TMCC3: variants seen among roughly 807,000 people sequenced by gnomAD.
TMCC3 encodes the protein transmembrane and coiled-coil domain family 3.
A neutral mutation model predicts 40.2 loss-of-function variants in TMCC3; 28 were observed. That is an observed-to-expected ratio of 0.70 (90% confidence interval 0.52 to 0.95). TMCC3 has a LOEUF of 0.95. TMCC3 is among the 40% of genes least tolerant of loss of function. The probability of loss-of-function intolerance (pLI) is 0.00; values close to 1 mark genes in which losing one functional copy is unlikely to be tolerated. For synonymous variants in TMCC3, 255 were observed against 248.5 expected, an observed-to-expected ratio of 1.03 and a Z score of -0.25; for missense variants, 554 against 615.2, an observed-to-expected ratio of 0.90 and a Z score of 1.05.
intron 1 of TMCC3, among the ~76,000 whole-genome samples, chr12:94,644,153 G>A (rs952678074): frequency 1.2e-4 from 18 of 152,152 alleles, no homozygotes; most frequent in East Asian, 5.8e-4. Flanking sequence ...CTCCCAAGTC[G>A]ACGGAAGCAG....
At chr12:94,573,227 C>T (rs2068543966) in intron 3 of TMCC3, among the ~76,000 whole-genome samples, 1 of 148,244 alleles carries the variant, frequency 6.7e-6, no homozygotes, top group Non-Finnish European at 1.5e-5. Context: ...CTCATCCAAC[C>T]CGTCGCCCAG....
intron 1 of TMCC3, among the ~76,000 whole-genome samples, chr12:94,642,172 A>T (rs1349841236): frequency 6.6e-6 from 1 of 152,230 alleles, no homozygotes; most frequent in Non-Finnish European, 1.5e-5. Context: ...TTTGGTATTT[A>T]AAAATTATGT....
At chr12:94,641,597 T>G (rs979547577) in intron 1 of TMCC3, among the ~76,000 whole-genome samples, 1 of 152,208 alleles carries the variant, frequency 6.6e-6, no homozygotes, top group Non-Finnish European at 1.5e-5. Context: ...GTTTCTTTGG[T>G]CAAGGACTAG....
Position 94,650,473 on chromosome 12 carries a change from C to T in TMCC3, c.-43G>A, listed in dbSNP as rs567746222. On this transcript the variant is annotated 5_prime_UTR_variant, in exon 1 of 4. Transcript: ENST00000261226. ...GAACTTTCCCGTCTTCTGGGGCTGC[C>T]GCGCCGCGAGCCACCGGCTGTGCTC... 2.4e-6 allele frequency: 3 copies of T among 1,238,648 alleles called. No homozygotes were observed. The highest frequency in any genetic ancestry group is 1.6e-5 in the African/African-American group (1 of 63,632). 76.7% of individuals were successfully genotyped at this position (1,238,648 alleles called of 1,614,324 possible).
At chr12:94,603,630 C>T (rs770414055) in intron 1 of TMCC3, among the ~76,000 whole-genome samples, 8 of 152,112 alleles carry the variant, frequency 5.3e-5, no homozygotes, top group African/African-American at 1.7e-4. Flanking sequence ...AGTAGGGGTA[C>T]GGAGAATGAT....
intron 1 of TMCC3, among the ~76,000 whole-genome samples, chr12:94,600,070 G>T (rs567276421): frequency 5.9e-5 from 9 of 152,190 alleles, no homozygotes; most frequent in African/African-American, 2.2e-4. Context: ...GGGAGAGAGA[G>T]AAAATGAATG....
At chr12:94,629,102 T>C (rs2068918647) in intron 1 of TMCC3, among the ~76,000 whole-genome samples, 1 of 152,240 alleles carries the variant, frequency 6.6e-6, no homozygotes, top group Non-Finnish European at 1.5e-5. Flanking sequence ...ATGACGCTCA[T>C]GATTTAGTAT....
At position 94,650,511 on chromosome 12, in the gene TMCC3, G is replaced by A. The variant is rs1300038906; in HGVS notation, c.-81C>T. 7.1e-6 allele frequency: 8 copies of A among 1,122,672 alleles called. No individual in the cohort carries two copies. Among genetic ancestry groups the A allele is most frequent in the Non-Finnish European group, 7.8e-6 (7 of 896,398 alleles). 69.5% of individuals were successfully genotyped at this position (1,122,672 alleles called of 1,614,324 possible). On this transcript the variant is annotated 5_prime_UTR_variant, in exon 1 of 4. Transcript: ENST00000261226. ...ACCGGCTGTGCTCGGGATCACCCTG[G>A]GAGCCGCGGGCGAGGGGGCGGCGCG...
rs369768806 is a variant in TMCC3 at position 94,579,520 on chromosome 12, CAAACA to C, written c.996-996_996-992del. ...AGACTCCATCTCAAAACAACAACAA[CAAACA>C]AAACAAAACAAAACAAAAAATCTTA... On this transcript the variant is annotated intron_variant, in intron 2 of 3. Transcript: ENST00000261226. Among the ~76,000 whole-genome samples the C allele has an allele frequency of 8.4e-3, 1,281 of 152,230 alleles. 20 individuals are homozygous for C. Among genetic ancestry groups the C allele is most frequent in the African/African-American group, 0.029 (1,210 of 41,540 alleles).
intron 1 of TMCC3, among the ~76,000 whole-genome samples, chr12:94,622,354 A>C (rs182755202): frequency 3.9e-4 from 59 of 151,516 alleles, no homozygotes; most frequent in African/African-American, 1.3e-3. Flanking sequence ...ATACAGCTAT[A>C]ATCAGTTCCA....
chr12:94,603,097 T>A (rs1355199671), intron 1 of TMCC3, among the ~76,000 whole-genome samples: 1 of 151,954 alleles, frequency 6.6e-6, no homozygotes, highest in Admixed American at 6.5e-5. Flanking sequence ...TATTTTTTAT[T>A]TTTTTGAGAC....
rs115709558 is a variant in TMCC3 at position 94,589,211 on chromosome 12, C to T, written c.79-6673G>A. Among the ~76,000 whole-genome samples, 363 of 152,150 alleles carry T rather than the reference C, an allele frequency of 2.4e-3. 3 individuals are homozygous for T. Among genetic ancestry groups the T allele is most frequent in the African/African-American group, 8.5e-3 (351 of 41,496 alleles). On this transcript the variant is annotated intron_variant, in intron 1 of 3. Transcript: ENST00000261226. ...TGGCCCAAGACAGTTCTTCTTATTC[C>T]AATGTAGCTCAGGGACGCCAAAAGA...
chr12:94,650,539 T>A lies in TMCC3; in HGVS notation c.-109A>T. On this transcript the variant is annotated 5_prime_UTR_variant, in exon 1 of 4. Transcript: ENST00000261226. The stretch of plus-strand genomic sequence containing the variant: ...GCCGCGGGCGAGGGGGCGGCGCGGC[T>A]GCTGCAGCTGTTGCCTCTGGTGCCA... 1.1e-6 allele frequency: 1 copy of A among 905,588 alleles called. No homozygotes were observed. Among genetic ancestry groups the A allele is most frequent in the Non-Finnish European group, 1.4e-6 (1 of 703,714 alleles). The allele number at this position is 905,588 out of a possible 1,614,324, so 56.1% of individuals were successfully genotyped here.
chr12:94,584,277 C>T (rs548322547), intron 1 of TMCC3, among the ~76,000 whole-genome samples: 1 of 152,050 alleles, frequency 6.6e-6, no homozygotes, highest in Non-Finnish European at 1.5e-5. Flanking sequence ...TGTGTAGCAC[C>T]TCCCGTCTCT....
intron 1 of TMCC3, among the ~76,000 whole-genome samples, chr12:94,627,731 T>G (rs1487566854): frequency 6.6e-6 from 1 of 152,256 alleles, no homozygotes; most frequent in African/African-American, 2.4e-5. Context: ...GAGCTTTCTT[T>G]GAGTGTCCTG....
intron 1 of TMCC3, chr12:94,591,224 T>G: frequency 5.3e-6 from 1 of 189,126 alleles, no homozygotes; most frequent in Non-Finnish European, 1.1e-5. Flanking sequence ...ATTCTGATAT[T>G]AAGAAATAAT....
intron 1 of TMCC3, among the ~76,000 whole-genome samples, chr12:94,634,114 T>C (rs2068947861): frequency 1.3e-5 from 2 of 152,012 alleles, no homozygotes. Flanking sequence ...CAGCTAATGT[T>C]TTGTATTTTT....
At chr12:94,648,217 T>C (rs535871277) in intron 1 of TMCC3, among the ~76,000 whole-genome samples, 1 of 148,858 alleles carries the variant, frequency 6.7e-6, no homozygotes, top group East Asian at 1.9e-4. Context: ...GTCAGTAGAA[T>C]TGTTTTATTT....
At chr12:94,629,367 G>A (rs541313074) in intron 1 of TMCC3, among the ~76,000 whole-genome samples, 101 of 152,154 alleles carry the variant, frequency 6.6e-4, no homozygotes, top group Non-Finnish European at 1.1e-3. Context: ...TTCCTTGGGA[G>A]GATCCATGAG....
Sources: gnomAD v4.1 joint callset for allele counts (sites outside exome capture counted in the v4.1 genomes callset) on GRCh38, gnomAD v4.1.1 for gene constraint, MANE v1.5 for transcripts, NCBI Gene and HGNC (gene_info 2026-07-23, HGNC 2026-07-21) for gene names.